TENM4: variants seen among roughly 807,000 people sequenced by gnomAD.
TENM4 encodes the protein teneurin-4.
Under a neutral mutation model 243.3 loss-of-function variants are expected in TENM4, and 82 were observed. The ratio of observed to expected loss-of-function variants is 0.34; its 90% confidence interval spans 0.28 to 0.40. TENM4 has a LOEUF of 0.40. TENM4 is among the 10% of genes least tolerant of loss of function. The probability of loss-of-function intolerance (pLI) is 1.00; values close to 1 mark genes in which losing one functional copy is unlikely to be tolerated. For missense variants in TENM4, 3,138 were observed against 3,673.3 expected (o/e 0.85, Z 3.77); for synonymous variants, 1,412 against 1,456.3 (o/e 0.97, Z 0.69).
intron 26 of TENM4, among the ~76,000 whole-genome samples, chr11:78,708,931 C>T (rs1859326562): frequency 1.4e-5 from 2 of 142,510 alleles, no homozygotes; most frequent in South Asian, 4.4e-4. Context: ...ATTAGTTCCC[C>T]TTTTTGGTAA....
intron 3 of TENM4, among the ~76,000 whole-genome samples, chr11:79,168,333 C>T (rs73506683): frequency 0.32 from 49,286 of 151,956 alleles, 8,254 homozygotes; most frequent in East Asian, 0.44. Context: ...GGTGCTGTGA[C>T]ACAGGAAAGC....
At chr11:79,098,016 T>C (rs1201703859) in intron 4 of TENM4, 1 of 152,016 alleles carries the variant, frequency 6.6e-6, no homozygotes, top group African/African-American at 2.4e-5. Flanking sequence ...AGCATAAAGG[T>C]TGAAGCCAAG....
chr11:78,924,258 G>T (rs1181697189), intron 6 of TENM4, among the ~76,000 whole-genome samples: 1 of 152,202 alleles, frequency 6.6e-6, no homozygotes, highest in Non-Finnish European at 1.5e-5. Context: ...CTACAACAAG[G>T]GGAAACTGGC....
chr11:78,674,772 T>G (rs1858422203), intron 30 of TENM4, among the ~76,000 whole-genome samples: 1 of 152,114 alleles, frequency 6.6e-6, no homozygotes. Flanking sequence ...AGCTCTTGGC[T>G]GTTGAGGGAA....
chr11:79,355,780 C>T (rs567674929), intron 1 of TENM4, among the ~76,000 whole-genome samples: 33 of 152,300 alleles, frequency 2.2e-4, no homozygotes, highest in African/African-American at 7.7e-4. Flanking sequence ...AAAGTAAGTA[C>T]CTCAGCCAAA....
At chr11:79,077,134 T>G (rs1227617465) in intron 4 of TENM4, among the ~76,000 whole-genome samples, 1 of 152,226 alleles carries the variant, frequency 6.6e-6, no homozygotes, top group Non-Finnish European at 1.5e-5. Context: ...GGAGACTCCC[T>G]TCTTCTCTCC....
chr11:79,151,681 A>G (rs1301538788), intron 3 of TENM4, among the ~76,000 whole-genome samples: 1 of 151,944 alleles, frequency 6.6e-6, no homozygotes, highest in Non-Finnish European at 1.5e-5. Flanking sequence ...TGGCTCAAAT[A>G]CCTCATTATC....
chr11:78,967,379 T>A (rs1034394050), intron 6 of TENM4, among the ~76,000 whole-genome samples: 1 of 152,144 alleles, frequency 6.6e-6, no homozygotes, highest in Non-Finnish European at 1.5e-5. Context: ...AAAGTCTATC[T>A]CAAGAGAGCA....
At chr11:78,955,266 G>A (rs1054207644) in intron 6 of TENM4, among the ~76,000 whole-genome samples, 3 of 152,246 alleles carry the variant, frequency 2.0e-5, no homozygotes, top group Admixed American at 1.3e-4. Context: ...TGTGGATCCA[G>A]TGAGATGACA....
intron 2 of TENM4, among the ~76,000 whole-genome samples, chr11:79,281,111 G>T (rs1233550445): frequency 6.6e-6 from 1 of 152,110 alleles, no homozygotes; most frequent in Non-Finnish European, 1.5e-5. Context: ...TAGAGATGAA[G>T]GAGATGCACC....
chr11:79,113,276 T>A (rs1252345155), intron 4 of TENM4, among the ~76,000 whole-genome samples: 2 of 148,816 alleles, frequency 1.3e-5, no homozygotes, highest in Admixed American at 1.3e-4. Flanking sequence ...GAAGGCTGTC[T>A]TGGAGTGGAT....
At chr11:79,205,953 T>A (rs1398278661) in intron 3 of TENM4, among the ~76,000 whole-genome samples, 1 of 152,238 alleles carries the variant, frequency 6.6e-6, no homozygotes, top group East Asian at 1.9e-4. Flanking sequence ...TCAGAGTGAA[T>A]GCTAAGGCCA....
intron 3 of TENM4, among the ~76,000 whole-genome samples, chr11:79,153,442 G>A (rs552516474): frequency 7.9e-5 from 12 of 152,166 alleles, no homozygotes; most frequent in African/African-American, 2.9e-4. Flanking sequence ...TTCCTTGCAC[G>A]GTGTCTGGGC....
chr11:79,359,386 T>A (rs1406882966), intron 1 of TENM4, among the ~76,000 whole-genome samples: 2 of 152,170 alleles, frequency 1.3e-5, no homozygotes, highest in African/African-American at 2.4e-5. Context: ...TGTTTTTTTT[T>A]AAAAGGTGGG....
intron 15 of TENM4, among the ~76,000 whole-genome samples, chr11:78,798,523 G>A (rs1469914942): frequency 6.6e-6 from 1 of 152,160 alleles, no homozygotes; most frequent in Admixed American, 6.5e-5. Flanking sequence ...GATCTGATGT[G>A]GAGTCTGAAA....
rs577182791 is a variant in TENM4, at chr11:78,997,049, G to C, written c.493+67689C>G. 2.6e-5 allele frequency among the ~76,000 whole-genome samples: 4 copies of C among 152,304 alleles called. No individual in the cohort carries two copies. In the South Asian group the frequency reaches 8.3e-4, roughly 32 times the overall value. On this transcript the variant is annotated intron_variant, in intron 6 of 33. Coordinates refer to ENST00000278550, the MANE Select transcript of TENM4 (RefSeq NM_001098816.3). ...TAGGTCCTGTGCAAGTTGTTGGGGC[G>C]GGGGTAGGGTGGGTGTAGGAATACA...
intron 1 of TENM4, among the ~76,000 whole-genome samples, chr11:79,312,967 G>A (rs1314612091): frequency 3.9e-5 from 6 of 152,142 alleles, no homozygotes; most frequent in Admixed American, 6.5e-5. Flanking sequence ...ATCAGGATTC[G>A]CTGCCCACCT....
intron 6 of TENM4, among the ~76,000 whole-genome samples, chr11:78,983,851 T>C (rs1046546689): frequency 1.4e-4 from 21 of 152,234 alleles, no homozygotes; most frequent in African/African-American, 5.1e-4. Context: ...GCCCTGGCTT[T>C]TGGCCTCTGG....
chr11:78,872,165 C>A (rs1324125519), intron 9 of TENM4, among the ~76,000 whole-genome samples: 1 of 152,128 alleles, frequency 6.6e-6, no homozygotes, highest in Non-Finnish European at 1.5e-5. Context: ...TCCAGTGATG[C>A]CAGATATGAA....
Sources: gnomAD v4.1 joint callset for allele counts (sites outside exome capture counted in the v4.1 genomes callset) on GRCh38, gnomAD v4.1.1 for gene constraint, MANE v1.5 for transcripts, NCBI Gene and HGNC (gene_info 2026-07-23, HGNC 2026-07-21) for gene names.